Variants in MYO10 observed in about 807,000 individuals in gnomAD.
The protein encoded by MYO10 is myosin X, also known as unconventional myosin-X.
In MYO10, 133 loss-of-function variants were observed where a neutral mutation model predicts 257.3. The observed-to-expected ratio is 0.52, with a 90% CI of 0.45 to 0.60. The LOEUF is 0.60. Ranked by LOEUF, MYO10 falls within the 20% of genes least tolerant of loss-of-function variation. MYO10 has a pLI of 0.00. For synonymous variants in MYO10, 1,104 were observed against 1,028.6 expected (o/e 1.07, Z -1.40); for missense variants, 2,399 against 2,635.7 (o/e 0.91, Z 1.97).
chr5:16,860,581 C>T (rs560633787), intron 2 of MYO10, among the ~76,000 whole-genome samples: 13 of 152,214 alleles, frequency 8.5e-5, no homozygotes, highest in Admixed American at 4.6e-4. Context: ...AGAGACACTC[C>T]GTTAGTATCT....
At chr5:16,699,704 T>C in intron 25 of MYO10, 131 bp from the exon 26 acceptor site, 1 of 1,205,078 alleles carries the variant, frequency 8.3e-7, no homozygotes, top group South Asian at 1.4e-5. Context: ...GCAGAATCAC[T>C]CGAACCCAGG....
intron 2 of MYO10, among the ~76,000 whole-genome samples, chr5:16,836,238 G>A (rs937216944): frequency 6.6e-6 from 1 of 152,026 alleles, no homozygotes; most frequent in African/African-American, 2.4e-5. Flanking sequence ...ATTTTAGAAT[G>A]CGATGGAATC....
In MYO10 at chr5:16,679,687, G is replaced by C. The variant is rs373939088; in HGVS notation, c.4542+260C>G. On this transcript the variant is annotated intron_variant, in intron 33 of 40. Transcript: ENST00000513610. ...TTACAGGAATGCGTCACTACACCCGGCTAATTTTTGTATTTTTAGTAGAGA... is the reference window on the plus strand; with the variant it reads ...TTACAGGAATGCGTCACTACACCCGCCTAATTTTTGTATTTTTAGTAGAGA... 9.2e-5 allele frequency among the ~76,000 whole-genome samples: 14 copies of C among 152,004 alleles called. No homozygotes were observed. The South Asian group carries it at 2.9e-3, about 32-fold the overall frequency.
At chr5:16,877,791 A>G (rs1234953181) in intron 1 of MYO10, 84 bp from the exon 2 acceptor site, 1 of 953,968 alleles carries the variant, frequency 1.0e-6, no homozygotes, top group Non-Finnish European at 1.6e-6. Context: ...CCTAACTCCT[A>G]TATTCCTTTA....
Position 16,936,235 on chromosome 5 carries a change from C to T in MYO10, c.-427G>A, listed in dbSNP as rs1746440963. 5.3e-6 allele frequency: 1 copy of T among 187,058 alleles called. No homozygotes were observed. The highest frequency in any genetic ancestry group is 1.1e-5 in the Non-Finnish European group (1 of 90,850). 11.6% of individuals were successfully genotyped at this position (187,058 alleles called of 1,614,324 possible). A position where few individuals can be genotyped will look rare whatever the true frequency, so the allele number is the denominator to read the frequency against. On this transcript the variant is annotated 5_prime_UTR_variant, in exon 1 of 41. Coordinates refer to ENST00000513610, the MANE Select transcript of MYO10 (RefSeq NM_012334.3). ...AGGAGCCGCGATCCCCGCGCGAGCG[C>T]TTGGAGGTGAGCAGTCCCGCGCCGC...
intron 3 of MYO10, among the ~76,000 whole-genome samples, chr5:16,811,086 C>G (rs866996176): frequency 3.0e-4 from 40 of 135,168 alleles, no homozygotes; most frequent in Non-Finnish European, 4.3e-4. Context: ...AAAAAAAAAA[C>G]AAAAAGAAAA....
intron 2 of MYO10, among the ~76,000 whole-genome samples, chr5:16,821,594 G>GTA (rs1742818984): frequency 1.3e-5 from 2 of 151,346 alleles, no homozygotes; most frequent in Admixed American, 1.3e-4. Flanking sequence ...AGCCTCCCGA[G>GTA]TAGCTGGGAC....
In MYO10 at chr5:16,757,563, A is replaced by G. The variant is rs143657866; in HGVS notation, c.1848+555T>C. ...AGAGTGGTCCCAAATGGCCTTAAGG[A>G]GTTTGCTATTTCAAAAGCTTAGAAG... On this transcript the variant is annotated intron_variant, in intron 18 of 40. Coordinates refer to ENST00000513610, the MANE Select transcript of MYO10 (RefSeq NM_012334.3). Among the ~76,000 whole-genome samples, 117 of 152,280 alleles carry G rather than the reference A, an allele frequency of 7.7e-4. No homozygotes were observed. In the East Asian group the frequency reaches 0.017, roughly 23 times the overall value.
intron 19 of MYO10, chr5:16,713,502 AT>A: frequency 1.0e-6 from 1 of 984,886 alleles, no homozygotes; most frequent in Non-Finnish European, 1.2e-6. Context: ...AACCCCTTCC[AT>A]TCTCGGGCTA....
At chr5:16,735,231 T>C (rs1739742244) in intron 19 of MYO10, among the ~76,000 whole-genome samples, 1 of 152,196 alleles carries the variant, frequency 6.6e-6, no homozygotes, top group African/African-American at 2.4e-5. Flanking sequence ...ACAAATCAAC[T>C]TGTTCCTTGA....
At position 16,783,386 on chromosome 5, in the gene MYO10, A is replaced by G. The variant is rs773255329; in HGVS notation, c.551T>C (p.Leu184Ser). The G allele has an allele frequency of 1.9e-6, 3 of 1,605,762 alleles. No homozygotes were observed. Among genetic ancestry groups the G allele is most frequent in the South Asian group, 2.3e-5 (2 of 88,884 alleles). Reference protein sequence around the residue: ...LSVISQQSLELSLKEKTSCVE... With the variant: ...LSVISQQSLESSLKEKTSCVE... Reference sequence around the variant, plus strand: ...ACAGGATGTCTTCTCCTTTAAGGACAATTCCAAAGACTGTTGACTGATGAC... The same window carrying G: ...ACAGGATGTCTTCTCCTTTAAGGACGATTCCAAAGACTGTTGACTGATGAC... The change falls in exon 5 of 41, where the codon TTG becomes TCG. Residue 184 changes from leucine (L) to serine (S), a missense_variant. Coordinates refer to ENST00000513610, the MANE Select transcript of MYO10 (RefSeq NM_012334.3).
At chr5:16,756,573 A>G (rs73756220) in intron 18 of MYO10, among the ~76,000 whole-genome samples, 21 of 152,242 alleles carry the variant, frequency 1.4e-4, no homozygotes, top group African/African-American at 5.1e-4. Context: ...AAACTTTAAA[A>G]TTTCTCACAA....
chr5:16,742,049 G>A, intron 19 of MYO10: 1 of 985,304 alleles, frequency 1.0e-6, no homozygotes, highest in Non-Finnish European at 1.2e-6. Flanking sequence ...TTGACTGCAG[G>A]GGCAAACTAA....
chr5:16,806,277 T>A (rs1299887759), intron 3 of MYO10, among the ~76,000 whole-genome samples: 1 of 147,238 alleles, frequency 6.8e-6, no homozygotes, highest in Admixed American at 6.9e-5. Context: ...GAGGTGGAGG[T>A]TGCAGTGAGC....
At chr5:16,731,407 G>C (rs946313382) in intron 19 of MYO10, among the ~76,000 whole-genome samples, 1 of 151,586 alleles carries the variant, frequency 6.6e-6, no homozygotes, top group African/African-American at 2.4e-5. Context: ...GCAGTCATGA[G>C]ATCTCGGCTC....
At chr5:16,708,507 T>A (rs973974296) in intron 21 of MYO10, among the ~76,000 whole-genome samples, 3 of 152,192 alleles carry the variant, frequency 2.0e-5, no homozygotes, top group Non-Finnish European at 4.4e-5. Flanking sequence ...GTTTTAATGA[T>A]CTCTAATGTT....
rs771441334 is a variant in MYO10 at position 16,935,853 on chromosome 5, C to A, written c.-45G>T. 8.1e-6 allele frequency: 13 copies of A among 1,608,552 alleles called. No individual in the cohort carries two copies. The highest frequency in any genetic ancestry group is 1.1e-5 in the Non-Finnish European group (13 of 1,178,024). On this transcript the variant is annotated 5_prime_UTR_variant, in exon 1 of 41. Transcript: ENST00000513610. ...ACTCGCCGAGTGCCGCTCCGACTCG[C>A]GGAAGTCAGCGCCGCCGCGGGTCCG... is the stretch of plus-strand genomic sequence containing the variant.
intron 3 of MYO10, among the ~76,000 whole-genome samples, chr5:16,806,769 C>G (rs1449065710): frequency 6.6e-6 from 1 of 152,064 alleles, no homozygotes; most frequent in African/African-American, 2.4e-5. Flanking sequence ...AGAAATAACT[C>G]ATCTAAACAG....
intron 2 of MYO10, among the ~76,000 whole-genome samples, chr5:16,837,350 C>T (rs532857131): frequency 6.6e-6 from 1 of 152,170 alleles, no homozygotes; most frequent in Non-Finnish European, 1.5e-5. Flanking sequence ...TGTAAATATG[C>T]TAAGTGAAAG....
Sources: allele counts gnomAD v4.1 joint callset (sites outside exome capture counted in the v4.1 genomes callset), GRCh38; gene constraint gnomAD v4.1.1; transcripts MANE v1.5; gene names NCBI Gene and HGNC (gene_info 2026-07-23, HGNC 2026-07-21).